Variants in CFAP251 observed in about 807,000 individuals in gnomAD.
CFAP251 encodes the protein cilia and flagella associated protein 251, also known as cilia- and flagella-associated protein 251.
In CFAP251, 93 loss-of-function variants were observed where a neutral mutation model predicts 126.7. The observed-to-expected ratio is 0.73, with a 90% CI of 0.62 to 0.87. The LOEUF (loss-of-function observed/expected upper bound fraction) is 0.87, where lower values mean the gene tolerates loss of function less well. Ranked by LOEUF, CFAP251 falls within the 40% of genes least tolerant of loss-of-function variation. The probability of loss-of-function intolerance (pLI) is 0.00; values close to 1 mark genes in which losing one functional copy is unlikely to be tolerated. For missense variants in CFAP251, 1,287 were observed against 1,389.2 expected (o/e 0.93, Z 1.17); for synonymous variants, 503 against 506.9 (o/e 0.99, Z 0.10).
intron 3 of CFAP251, among the ~76,000 whole-genome samples, chr12:121,924,525 C>T (rs1880329921): frequency 6.6e-6 from 1 of 150,510 alleles, no homozygotes; most frequent in South Asian, 2.1e-4. Context: ...CTCCGCCTCC[C>T]GGGTTCAAGC....
chr12:122,001,458 A>G (rs1339547137), intron 20 of CFAP251, 39 bp from the exon 21 acceptor site: 1 of 1,498,234 alleles, frequency 6.7e-7, no homozygotes, highest in African/African-American at 1.4e-5. Context: ...GCTTAGCCTC[A>G]AGAGTTAAAC....
At chr12:121,923,346 A>G (rs561783618) in intron 2 of CFAP251, among the ~76,000 whole-genome samples, 1 of 152,234 alleles carries the variant, frequency 6.6e-6, no homozygotes, top group Admixed American at 6.5e-5. Flanking sequence ...TTTGGTAGAC[A>G]TAAGGTGGCA....
chr12:121,942,511 G>GT (rs1565907228), intron 5 of CFAP251, 23 bp from the exon 6 acceptor site: 1 of 1,576,708 alleles, frequency 6.3e-7, no homozygotes, highest in East Asian at 2.3e-5. Flanking sequence ...AGCAAGTGTC[G>GT]CCCCCCTTGT....
chr12:121,971,881 C>T (rs1882339136), intron 17 of CFAP251: 1 of 421,846 alleles, frequency 2.4e-6, no homozygotes, highest in South Asian at 2.3e-5. Context: ...GGTGGTTTCC[C>T]CCATGTTGTT....
intron 18 of CFAP251, 60 bp downstream of exon 18, chr12:121,975,394 G>A (rs1882432601): frequency 6.3e-7 from 1 of 1,576,374 alleles, no homozygotes; most frequent in Non-Finnish European, 8.7e-7. Flanking sequence ...TAAAGCAAAT[G>A]TGCCCAGGGT....
At position 122,003,683 on chromosome 12, in the gene CFAP251, A is replaced by G; in HGVS notation, c.3369A>G (p.Pro1123=). The G allele has an allele frequency of 6.2e-7, 1 of 1,610,944 alleles. No individual in the cohort carries two copies. Among genetic ancestry groups the G allele is most frequent in the Non-Finnish European group, 8.5e-7 (1 of 1,179,188 alleles). The part of the protein sequence containing the change: ...GSEICLEEEL[P]DEITAEIFAT... ...AAATTTGCCTTGAAGAAGAACTTCC[A>G]GACGAAATCACTGCAGAAATATTCG... is the stretch of plus-strand genomic sequence containing the variant. Residue 1123 remains proline, a synonymous_variant, in exon 22 of 22, where the codon CCA becomes CCG. Coordinates refer to ENST00000288912, the MANE Select transcript of CFAP251 (RefSeq NM_144668.6).
intron 7 of CFAP251, 141 bp downstream of exon 7, chr12:121,943,116 C>T (rs1881189747): frequency 1.3e-6 from 1 of 790,048 alleles, no homozygotes. Context: ...AGTTCAAGGC[C>T]AGCCTGGCCA....
At chr12:121,943,000 C>G in intron 7 of CFAP251, 25 bp downstream of exon 7, 2 of 1,613,072 alleles carry the variant, frequency 1.2e-6, no homozygotes, top group Non-Finnish European at 1.7e-6. Flanking sequence ...AGCCTGTAAA[C>G]ATCAACCTGA....
chr12:122,001,734 T>A (rs1288931962), intron 21 of CFAP251, 136 bp downstream of exon 21: 1 of 709,218 alleles, frequency 1.4e-6, no homozygotes, highest in Non-Finnish European at 2.6e-6. Flanking sequence ...CTGTTGGGAA[T>A]CCCACATGAA....
At chr12:121,925,840 T>TTTTA (rs1311314669) in intron 3 of CFAP251, among the ~76,000 whole-genome samples, 1 of 151,966 alleles carries the variant, frequency 6.6e-6, no homozygotes, top group Non-Finnish European at 1.5e-5. Context: ...TTACTTTAGC[T>TTTTA]TTTATTTATT....
At chr12:121,992,154 C>T (rs1593006709) in intron 19 of CFAP251, 5 of 971,368 alleles carry the variant, frequency 5.1e-6, no homozygotes, top group Non-Finnish European at 6.1e-6. Flanking sequence ...TCAGCTAGGA[C>T]TCCTGCTTCT....
In CFAP251 at chr12:121,974,192, TCATTCTCTCTCTTGCCACTGC is replaced by T. The variant is rs915808536; in HGVS notation, c.2772-1048_2772-1028del. ...GGGGAAACCTGATTCACTTGGTCTC[TCATTCTCTCTCTTGCCACTGC>T]CATGTGAGACATGCCTTTCACCTTG... On this transcript the variant is annotated intron_variant, in intron 17 of 21. Transcript: ENST00000288912. This position sits in a 1 kb window ranked among gnomAD's most constrained non-coding sequence, Gnocchi z 4.6. Among the ~76,000 whole-genome samples the T allele has an allele frequency of 2.0e-5, 3 of 152,126 alleles. No homozygotes were observed. The highest frequency in any genetic ancestry group is 4.8e-5 in the African/African-American group (2 of 41,420).
At chr12:121,975,413 C>T in intron 18 of CFAP251, 79 bp downstream of exon 18, 1 of 1,570,314 alleles carries the variant, frequency 6.4e-7, no homozygotes, top group East Asian at 2.2e-5. Flanking sequence ...GTTAACCTTG[C>T]TTTATTCCAA....
At chr12:121,922,072 G>A (rs1394758876) in intron 2 of CFAP251, among the ~76,000 whole-genome samples, 1 of 147,568 alleles carries the variant, frequency 6.8e-6, no homozygotes, top group Admixed American at 6.8e-5. Flanking sequence ...TAGGATTACA[G>A]GCACACGCCA....
chr12:121,972,375 G>A (rs1882356337), intron 17 of CFAP251, among the ~76,000 whole-genome samples: 1 of 152,230 alleles, frequency 6.6e-6, no homozygotes, highest in African/African-American at 2.4e-5. Flanking sequence ...GGGAACTGGA[G>A]CAAAAGTGAT....
chr12:121,975,519 GT>G, intron 18 of CFAP251, 22 bp from the exon 19 acceptor site: 8 of 1,605,204 alleles, frequency 5.0e-6, no homozygotes, highest in Non-Finnish European at 6.8e-6. Flanking sequence ...TGTGTGTTGT[GT>G]TTCCGTTGTA....
chr12:121,961,950 A>T (rs1466154456), intron 14 of CFAP251, 28 bp from the exon 15 acceptor site: 5 of 1,605,370 alleles, frequency 3.1e-6, no homozygotes, highest in Non-Finnish European at 4.2e-6. Context: ...CTTGGTCCTC[A>T]TGTGTGTCCA....
At chr12:121,960,523 T>A (rs1881895913) in intron 13 of CFAP251, 62 bp from the exon 14 acceptor site, 1 of 1,587,240 alleles carries the variant, frequency 6.3e-7, no homozygotes, top group Admixed American at 1.7e-5. Flanking sequence ...TGGCCCATAA[T>A]GATGATTCTT....
At chr12:121,998,918 A>AAAAG (rs1555221247) in intron 19 of CFAP251, 81 of 141,518 alleles carry the variant, frequency 5.7e-4, no homozygotes, top group African/African-American at 2.1e-3. Context: ...AAAAAAAAAA[A>AAAAG]GGGGGAAGTG....
Sources: allele counts gnomAD v4.1 joint callset (sites outside exome capture counted in the v4.1 genomes callset), GRCh38; gene constraint gnomAD v4.1.1; non-coding constraint Gnocchi (gnomAD v3.1); transcripts MANE v1.5; gene names NCBI Gene and HGNC (gene_info 2026-07-23, HGNC 2026-07-21).